DNAH3: variants seen among roughly 807,000 people sequenced by gnomAD.
DNAH3 encodes axonemal beta dynein heavy chain 3.
In DNAH3, 332 loss-of-function variants were observed where a neutral mutation model predicts 432.5. The ratio of observed to expected loss-of-function variants is 0.77; its 90% CI spans 0.70 to 0.84. The LOEUF (loss-of-function observed/expected upper bound fraction) is 0.84. Among genes scored for constraint, DNAH3 ranks in the 40% least tolerant of loss-of-function variants. The probability of loss-of-function intolerance (pLI) is 0.00; values close to 1 mark genes in which losing one functional copy is unlikely to be tolerated. For synonymous variants in DNAH3, 1,956 were observed against 1,900.2 expected, an observed-to-expected ratio of 1.03 and a Z score of -0.76; for missense variants, 4,861 against 5,114.0, an observed-to-expected ratio of 0.95 and a Z score of 1.51.
At chr16:21,061,963 GC>G (rs2090375988) in intron 25 of DNAH3, among the ~76,000 whole-genome samples, 2 of 152,186 alleles carry the variant, frequency 1.3e-5, no homozygotes, top group Non-Finnish European at 2.9e-5. Flanking sequence ...ACAAAGCAAG[GC>G]TCAGCTTGCT....
intron 1 of DNAH3, among the ~76,000 whole-genome samples, chr16:21,151,343 CAG>C (rs1185036189): frequency 1.2e-4 from 16 of 135,318 alleles, no homozygotes; most frequent in Non-Finnish European, 2.5e-4. Context: ...TTTTTTGAGA[CAG>C]AGTCTTGCTC....
intron 54 of DNAH3, 139 bp from the exon 55 acceptor site, chr16:20,955,196 T>A: frequency 1.3e-6 from 1 of 785,956 alleles, no homozygotes; most frequent in Non-Finnish European, 1.9e-6. Flanking sequence ...TGAAAAACAT[T>A]ATTTTATTGA....
intron 22 of DNAH3, among the ~76,000 whole-genome samples, chr16:21,070,365 C>T (rs545362692): frequency 5.9e-5 from 9 of 152,092 alleles, no homozygotes; most frequent in Non-Finnish European, 1.3e-4. Context: ...TCACTGCAAC[C>T]TCTGCCTCCT....
chr16:20,982,886 G>A, exon 49 of DNAH3: 1 of 1,613,868 alleles, frequency 6.2e-7, no homozygotes, highest in East Asian at 2.2e-5. Context: ...TGGACTCATG[G>A]CTAATGAAAA....
At chr16:20,949,325 C>T (rs565998379) in intron 56 of DNAH3, among the ~76,000 whole-genome samples, 8 of 146,902 alleles carry the variant, frequency 5.4e-5, no homozygotes, top group African/African-American at 2.0e-4. Context: ...GAAACTTCGT[C>T]TCAAAAAATA....
intron 18 of DNAH3, among the ~76,000 whole-genome samples, chr16:21,091,037 C>T (rs936726207): frequency 2.6e-5 from 4 of 151,868 alleles, no homozygotes; most frequent in African/African-American, 9.7e-5. Context: ...TCTGTAGTCC[C>T]AGCTACTCAG....
chr16:20,934,012 G>A (rs988936707), intron 61 of DNAH3, among the ~76,000 whole-genome samples: 2 of 152,068 alleles, frequency 1.3e-5, no homozygotes, highest in African/African-American at 4.8e-5. Flanking sequence ...GTTGGCCCTG[G>A]TGAGCTGATA....
chr16:21,059,548 G>A (rs1415338415), intron 26 of DNAH3, among the ~76,000 whole-genome samples: 2 of 152,162 alleles, frequency 1.3e-5, no homozygotes, highest in African/African-American at 4.8e-5. Flanking sequence ...ACCGAGGCAA[G>A]TGGATCATTT....
intron 26 of DNAH3, among the ~76,000 whole-genome samples, chr16:21,058,499 G>A (rs1226804744): frequency 6.6e-6 from 1 of 152,094 alleles, no homozygotes; most frequent in Non-Finnish European, 1.5e-5. Context: ...CATAACTACT[G>A]TTTTTTAATG....
chr16:20,964,225 T>C (rs1463911257), exon 53 of DNAH3: 2 of 1,614,076 alleles, frequency 1.2e-6, no homozygotes, highest in Non-Finnish European at 1.7e-6. Context: ...CTGGTTCTTT[T>C]TCTCTTCCAG....
intron 55 of DNAH3, among the ~76,000 whole-genome samples, chr16:20,953,463 T>C (rs2084410906): frequency 2.0e-5 from 3 of 152,236 alleles, no homozygotes; most frequent in South Asian, 4.2e-4. Context: ...CCAGGTTCAA[T>C]AGAGAAGTTT....
chr16:21,096,030 A>G (rs1006964208), intron 18 of DNAH3, among the ~76,000 whole-genome samples: 16 of 152,178 alleles, frequency 1.1e-4, no homozygotes, highest in African/African-American at 3.9e-4. Context: ...TTGGCCTCCC[A>G]AAGTGCTGGG....
At chr16:21,119,828 C>G (rs1419014086) in intron 11 of DNAH3, among the ~76,000 whole-genome samples, 1 of 149,986 alleles carries the variant, frequency 6.7e-6, no homozygotes, top group African/African-American at 2.4e-5. Context: ...GAACTCCTGA[C>G]CTCAGATGAT....
At chr16:21,077,099 TCA>T (rs1330568602) in intron 20 of DNAH3, among the ~76,000 whole-genome samples, 1 of 152,148 alleles carries the variant, frequency 6.6e-6, no homozygotes, top group Non-Finnish European at 1.5e-5. Context: ...TGTTGTAAGG[TCA>T]CTAAAATAAG....
chr16:21,033,073 C>G (rs1490074566), intron 36 of DNAH3, among the ~76,000 whole-genome samples: 2 of 152,080 alleles, frequency 1.3e-5, no homozygotes, highest in African/African-American at 2.4e-5. Flanking sequence ...CTGAAGTGAT[C>G]CGCCCGCCTT....
At chr16:21,097,215 T>C (rs975660128) in intron 18 of DNAH3, 140 bp downstream of exon 18, 14 of 995,582 alleles carry the variant, frequency 1.4e-5, no homozygotes, top group Middle Eastern at 6.3e-4. Flanking sequence ...TAATTTTGAC[T>C]GTGGCTGCCT....
intron 58 of DNAH3, among the ~76,000 whole-genome samples, 155 bp from the exon 59 acceptor site, chr16:20,941,698 G>A (rs962393301): frequency 8.5e-5 from 13 of 152,064 alleles, no homozygotes; most frequent in African/African-American, 2.4e-4. Flanking sequence ...CCTCCAGTGG[G>A]GAAAGGAGTC....
chr16:21,024,506 G>A, intron 39 of DNAH3, 90 bp downstream of exon 39: 2 of 884,802 alleles, frequency 2.3e-6, no homozygotes. Context: ...TGCCTCCAGG[G>A]ACTATGAAGG....
chr16:21,147,154 T>C (rs12446383), intron 1 of DNAH3, among the ~76,000 whole-genome samples: 68,833 of 151,542 alleles, frequency 0.45, 15,873 homozygotes, highest in East Asian at 0.68. Flanking sequence ...GCCCAAATTC[T>C]GAGGACATCC....
Sources: allele counts gnomAD v4.1 joint callset (sites outside exome capture counted in the v4.1 genomes callset), GRCh38; gene constraint gnomAD v4.1.1; transcripts MANE v1.5; gene names NCBI Gene and HGNC (gene_info 2026-07-23, HGNC 2026-07-21).